The following FRMD4A variants were observed in gnomAD, a reference collection of about 807,000 sequenced individuals.
The protein encoded by FRMD4A is FERM domain-containing protein 4A.
FRMD4A carries 29 observed loss-of-function variants against 129.1 expected under a neutral mutation model. The observed-to-expected ratio is 0.22, with a 90% CI of 0.17 to 0.31. The LOEUF is 0.31. Among genes scored for constraint, FRMD4A ranks in the 10% least tolerant of loss-of-function variants. The probability of loss-of-function intolerance (pLI) is 1.00; values close to 1 mark genes in which losing one functional copy is unlikely to be tolerated. For missense variants in FRMD4A, 1,272 were observed against 1,375.8 expected (o/e 0.92, Z 1.19); for synonymous variants, 634 against 571.6 (o/e 1.11, Z -1.56).
chr10:13,874,581 T>A (rs891164663), intron 2 of FRMD4A, among the ~76,000 whole-genome samples: 16 of 152,144 alleles, frequency 1.1e-4, no homozygotes, highest in Non-Finnish European at 2.1e-4. Context: ...TTGTAACAAC[T>A]ATAATGGGAA....
At chr10:13,888,007 C>G (rs2094645319) in intron 2 of FRMD4A, among the ~76,000 whole-genome samples, 2 of 152,176 alleles carry the variant, frequency 1.3e-5, no homozygotes, top group African/African-American at 4.8e-5. Flanking sequence ...ATTCAGAAAA[C>G]TTTTTGCAGA....
At chr10:14,087,002 C>T (rs1836319365) in intron 2 of FRMD4A, among the ~76,000 whole-genome samples, 1 of 151,898 alleles carries the variant, frequency 6.6e-6, no homozygotes, top group South Asian at 2.1e-4. Context: ...ACCAAACATC[C>T]CGATTTGCCC....
At chr10:14,300,008 C>T (rs1846133479) in intron 2 of FRMD4A, among the ~76,000 whole-genome samples, 1 of 151,772 alleles carries the variant, frequency 6.6e-6, no homozygotes, top group African/African-American at 2.4e-5. Context: ...GAATGATTTC[C>T]CAAGGAACAA....
chr10:13,972,800 C>A (rs2095525589), intron 2 of FRMD4A, among the ~76,000 whole-genome samples: 1 of 152,120 alleles, frequency 6.6e-6, no homozygotes, highest in Non-Finnish European at 1.5e-5. Context: ...GCAGCCACGA[C>A]CTAGCTGTAC....
chr10:13,834,066 C>T (rs1001230479), intron 3 of FRMD4A, among the ~76,000 whole-genome samples: 1 of 152,134 alleles, frequency 6.6e-6, no homozygotes, highest in African/African-American at 2.4e-5. Context: ...GAGTACAAAA[C>T]CAGCCTGGCC....
intron 2 of FRMD4A, among the ~76,000 whole-genome samples, chr10:14,322,021 G>A (rs1189828209): frequency 6.6e-6 from 1 of 152,138 alleles, no homozygotes; most frequent in African/African-American, 2.4e-5. Context: ...CACCATGATT[G>A]TAAGTTTCCT....
chr10:14,133,506 G>A (rs1027956785), intron 2 of FRMD4A, among the ~76,000 whole-genome samples: 23 of 152,144 alleles, frequency 1.5e-4, no homozygotes, highest in African/African-American at 5.6e-4. Flanking sequence ...ACACCCACTT[G>A]GCCACCATGG....
intron 2 of FRMD4A, among the ~76,000 whole-genome samples, chr10:14,087,267 AAATT>A (rs1212271734): frequency 4.1e-5 from 6 of 147,504 alleles, no homozygotes; most frequent in Admixed American, 1.4e-4. Flanking sequence ...ATAAAATTAT[AAATT>A]AATTAATATA....
intron 2 of FRMD4A, among the ~76,000 whole-genome samples, chr10:13,900,389 A>G (rs1313612233): frequency 6.6e-6 from 1 of 152,216 alleles, no homozygotes; most frequent in Non-Finnish European, 1.5e-5. Context: ...ACTGCAACTC[A>G]TGGCAACAAA....
At chr10:13,700,927 A>C (rs2086768626) in intron 14 of FRMD4A, among the ~76,000 whole-genome samples, 1 of 148,892 alleles carries the variant, frequency 6.7e-6, no homozygotes, top group Non-Finnish European at 1.5e-5. Context: ...CAATTACCCT[A>C]AACAGTTAGG....
chr10:14,099,798 T>A (rs1837201804), intron 2 of FRMD4A, among the ~76,000 whole-genome samples: 1 of 152,238 alleles, frequency 6.6e-6, no homozygotes, highest in African/African-American at 2.4e-5. Flanking sequence ...TCTTTTTAAC[T>A]TTTTTACTTT....
intron 2 of FRMD4A, among the ~76,000 whole-genome samples, chr10:14,174,955 A>G (rs1193410971): frequency 6.6e-6 from 1 of 151,628 alleles, no homozygotes; most frequent in Non-Finnish European, 1.5e-5. Flanking sequence ...CAGGAGTCCA[A>G]ATAAATCAGG....
chr10:14,183,294 T>C (rs1222736956), intron 2 of FRMD4A, among the ~76,000 whole-genome samples: 1 of 152,246 alleles, frequency 6.6e-6, no homozygotes, highest in East Asian at 1.9e-4. Context: ...TCTTGGAAAG[T>C]TACACATTAA....
At chr10:13,747,868 C>T (rs763014927) in intron 8 of FRMD4A, 49 bp from the exon 9 acceptor site, 21 of 1,022,294 alleles carry the variant, frequency 2.1e-5, no homozygotes, top group South Asian at 5.0e-5. Context: ...AGAAAATAAT[C>T]GCACTCTCTG....
intron 2 of FRMD4A, among the ~76,000 whole-genome samples, chr10:14,228,441 T>C (rs1462760366): frequency 6.6e-6 from 1 of 152,252 alleles, no homozygotes; most frequent in Admixed American, 6.5e-5. Context: ...ATTAATTACC[T>C]ACTCATAAGC....
At chr10:13,906,486 T>A (rs2094883380) in intron 2 of FRMD4A, among the ~76,000 whole-genome samples, 3 of 152,196 alleles carry the variant, frequency 2.0e-5, no homozygotes, top group African/African-American at 7.2e-5. Flanking sequence ...TTGTGTAATG[T>A]ATAAAGAGGG....
In FRMD4A at chr10:14,125,927, G is replaced by A. The variant is rs559833229; in HGVS notation, c.45+204131C>T. Among the ~76,000 whole-genome samples the A allele has an allele frequency of 5.5e-5, 8 of 146,788 alleles. No individual in the cohort carries two copies. The East Asian group carries it at 1.5e-3, about 28-fold the overall frequency. The stretch of plus-strand genomic sequence containing the variant: ...AAACAGGGTACAACACAGTATGATA[G>A]AAGCAAACAAAAGGCTGAGATGAGC... On this transcript the variant is annotated intron_variant, in intron 2 of 24. Transcript: ENST00000357447.
In FRMD4A at chr10:14,328,185, C is replaced by T. The variant is rs541551947; in HGVS notation, c.45+1873G>A. Among the ~76,000 whole-genome samples the T allele has an allele frequency of 3.2e-3, 493 of 152,166 alleles. 4 individuals are homozygous for T. Among genetic ancestry groups the T allele is most frequent in the African/African-American group, 0.011 (461 of 41,506 alleles). On this transcript the variant is annotated intron_variant, in intron 2 of 24. Coordinates refer to ENST00000357447, the MANE Select transcript of FRMD4A (RefSeq NM_018027.5). ...CCATCAGGGTGTCAAGAGCTCTTTC[C>T]CCTGGTTTCCAAGAGAGGAGAACAC...
chr10:14,141,069 G>A (rs1056027790), intron 2 of FRMD4A, among the ~76,000 whole-genome samples: 1 of 152,104 alleles, frequency 6.6e-6, no homozygotes, highest in Non-Finnish European at 1.5e-5. Flanking sequence ...GAGGACAGAT[G>A]CCCAGGAGAG....
Sources: gnomAD v4.1 joint callset for allele counts (sites outside exome capture counted in the v4.1 genomes callset) on GRCh38, gnomAD v4.1.1 for gene constraint, MANE v1.5 for transcripts, NCBI Gene and HGNC (gene_info 2026-07-23, HGNC 2026-07-21) for gene names.